The following TSHZ2 variants were observed in gnomAD, a reference collection of about 807,000 sequenced individuals.
TSHZ2 encodes teashirt homolog 2.
Under a neutral mutation model 74.4 loss-of-function variants are expected in TSHZ2, and 21 were observed. The ratio of observed to expected loss-of-function variants is 0.28; its 90% CI spans 0.20 to 0.41. The LOEUF (loss-of-function observed/expected upper bound fraction) is 0.41. Among genes scored for constraint, TSHZ2 ranks in the 10% least tolerant of loss-of-function variants. The pLI is 1.00. For missense variants in TSHZ2, 1,244 were observed against 1,293.5 expected (o/e 0.96, Z 0.59); for synonymous variants, 540 against 515.3 (o/e 1.05, Z -0.65).
intron 2 of TSHZ2, among the ~76,000 whole-genome samples, chr20:53,386,660 G>A (rs909092340): frequency 2.6e-5 from 4 of 152,156 alleles, no homozygotes; most frequent in South Asian, 4.1e-4. Context: ...TTGGGGTACC[G>A]GGAGTTTGCA....
At chr20:53,223,898 AACACACACACACACACAC>A (rs71675648) in intron 1 of TSHZ2, among the ~76,000 whole-genome samples, 2 of 145,398 alleles carry the variant, frequency 1.4e-5, no homozygotes, top group African/African-American at 2.6e-5. Flanking sequence ...TACAGGACTA[AACACACACACACACACAC>A]ACACACACAC....
chr20:53,041,880 T>C (rs1984053141), intron 1 of TSHZ2, among the ~76,000 whole-genome samples: 1 of 152,242 alleles, frequency 6.6e-6, no homozygotes, highest in South Asian at 2.1e-4. Context: ...TGGCATGAGC[T>C]CATTCCTTCT....
chr20:53,094,579 C>T (rs572648230), intron 1 of TSHZ2, among the ~76,000 whole-genome samples: 1 of 152,322 alleles, frequency 6.6e-6, no homozygotes, highest in East Asian at 1.9e-4. Context: ...CAATGGTAAA[C>T]TCATGGGCCT....
intron 2 of TSHZ2, among the ~76,000 whole-genome samples, chr20:53,287,087 A>G (rs1600790562): frequency 6.6e-6 from 1 of 152,300 alleles, no homozygotes; most frequent in East Asian, 1.9e-4. Flanking sequence ...AGGTGCACAA[A>G]AGAGGGGCAC....
chr20:53,321,579 G>A lies in TSHZ2; in HGVS notation c.*8+65008G>A, dbSNP rs562820066. ...CATGCCTGTAATCCCAGCTACTTGGGAGGCTGAGGCAGGAGAATCACTTGA... is the reference window on the plus strand; with the variant it reads ...CATGCCTGTAATCCCAGCTACTTGGAAGGCTGAGGCAGGAGAATCACTTGA... On this transcript the variant is annotated intron_variant, in intron 2 of 2. Coordinates refer to ENST00000371497, the MANE Select transcript of TSHZ2 (RefSeq NM_173485.6). 5.9e-4 allele frequency among the ~76,000 whole-genome samples: 89 copies of A among 150,666 alleles called. 1 individual carries two copies. Among genetic ancestry groups the A allele is most frequent in the African/African-American group, 2.0e-3 (83 of 41,038 alleles).
chr20:53,400,211 A>C (rs1982607074), intron 2 of TSHZ2: 1 of 152,266 alleles, frequency 6.6e-6, no homozygotes, highest in Admixed American at 6.5e-5. Context: ...CAGGCTAGCC[A>C]CACGTTGTAG....
intron 1 of TSHZ2, among the ~76,000 whole-genome samples, chr20:53,095,424 C>A (rs1300118942): frequency 6.6e-6 from 1 of 152,180 alleles, no homozygotes; most frequent in East Asian, 1.9e-4. Flanking sequence ...GGACATGCGA[C>A]AGCTGGAGCT....
chr20:53,224,041 G>C (rs1989627085), intron 1 of TSHZ2, among the ~76,000 whole-genome samples: 1 of 152,122 alleles, frequency 6.6e-6, no homozygotes, highest in Non-Finnish European at 1.5e-5. Flanking sequence ...TTATCATTGA[G>C]GGAAAACAGG....
At chr20:53,217,554 C>T (rs1989464971) in intron 1 of TSHZ2, among the ~76,000 whole-genome samples, 1 of 152,122 alleles carries the variant, frequency 6.6e-6, no homozygotes. Context: ...TGCAGAGAGC[C>T]AGGCGCAATA....
At chr20:53,358,476 G>T (rs1298131495) in intron 2 of TSHZ2, among the ~76,000 whole-genome samples, 1 of 151,810 alleles carries the variant, frequency 6.6e-6, no homozygotes, top group East Asian at 1.9e-4. Context: ...CAGTACCTGG[G>T]ACTACAGGCG....
rs556298252 is a variant in TSHZ2, at chr20:53,047,139, C to T, written c.40+73806C>T. 5.3e-5 allele frequency among the ~76,000 whole-genome samples: 8 copies of T among 152,272 alleles called. No individual in the cohort carries two copies. The South Asian group carries it at 1.5e-3, about 28-fold the overall frequency. ...TTAAAAGCATAATATTTATTTGAAACCTCCTGATTTTTAAATGTTAACATT... is the reference window on the plus strand; with the variant it reads ...TTAAAAGCATAATATTTATTTGAAATCTCCTGATTTTTAAATGTTAACATT... On this transcript the variant is annotated intron_variant, in intron 1 of 2. Coordinates refer to ENST00000371497, the MANE Select transcript of TSHZ2 (RefSeq NM_173485.6).
intron 1 of TSHZ2, chr20:53,206,553 C>T (rs1268185546): frequency 2.6e-5 from 4 of 152,386 alleles, no homozygotes; most frequent in African/African-American, 4.8e-5. Context: ...CTCTTCAAGG[C>T]TTTGCATCTG....
At chr20:53,392,746 G>A (rs1382426390) in intron 2 of TSHZ2, among the ~76,000 whole-genome samples, 1 of 152,070 alleles carries the variant, frequency 6.6e-6, no homozygotes, top group Non-Finnish European at 1.5e-5. Context: ...TACCTATGCA[G>A]GTTTGTTACA....
At position 53,489,053 on chromosome 20, in the gene TSHZ2, A is replaced by C. The variant is rs977518199; in HGVS notation, c.*1918A>C. The stretch of plus-strand genomic sequence containing the variant: ...ATACCCCTCACATCATCGGATTGAG[A>C]TGGCAGTCGAAATAGCTTCATTGAA... On this transcript the variant is annotated 3_prime_UTR_variant, in exon 3 of 3. Transcript: ENST00000371497. The C allele has an allele frequency of 2.2e-6, 1 of 456,122 alleles. No individual in the cohort carries two copies. Among genetic ancestry groups the C allele is most frequent in the African/African-American group, 2.0e-5 (1 of 50,066 alleles). The allele number at this position is 456,122 out of a possible 1,614,324, so 28.3% of individuals were successfully genotyped here.
rs369015889 is a variant in TSHZ2, at chr20:53,325,645, G to A, written c.*8+69074G>A. On this transcript the variant is annotated intron_variant, in intron 2 of 2. Transcript: ENST00000371497. ...CATCGTATAATGGAGGCAAGTTGCT[G>A]CATGAGGGGGAACTGCTTTGTTTGT... Among the ~76,000 whole-genome samples the A allele has an allele frequency of 4.6e-5, 7 of 150,922 alleles. No individual in the cohort carries two copies. In the South Asian group the frequency reaches 6.3e-4, roughly 14 times the overall value.
intron 1 of TSHZ2, among the ~76,000 whole-genome samples, chr20:53,151,123 G>T (rs1454510625): frequency 6.6e-6 from 1 of 152,152 alleles, no homozygotes; most frequent in Non-Finnish European, 1.5e-5. Context: ...TAAAACAGAA[G>T]GTGCATGCAG....
intron 2 of TSHZ2, among the ~76,000 whole-genome samples, chr20:53,380,965 C>T (rs1175684626): frequency 6.6e-6 from 1 of 152,158 alleles, no homozygotes; most frequent in Non-Finnish European, 1.5e-5. Context: ...CTCATCAATT[C>T]AGACTGTATT....
At chr20:53,151,349 T>C (rs1417124050) in intron 1 of TSHZ2, among the ~76,000 whole-genome samples, 2 of 152,232 alleles carry the variant, frequency 1.3e-5, no homozygotes, top group Non-Finnish European at 2.9e-5. Flanking sequence ...TAGAGAAAAC[T>C]TACTTTGACT....
chr20:53,461,281 T>C (rs542395082), intron 2 of TSHZ2, among the ~76,000 whole-genome samples: 40 of 152,356 alleles, frequency 2.6e-4, no homozygotes, highest in Admixed American at 2.5e-3. Flanking sequence ...AGCGCTGTAT[T>C]CGGGTGGGAG....
Sources: allele counts gnomAD v4.1 joint callset (sites outside exome capture counted in the v4.1 genomes callset), GRCh38; gene constraint gnomAD v4.1.1; transcripts MANE v1.5; gene names NCBI Gene and HGNC (gene_info 2026-07-23, HGNC 2026-07-21).